The following CASR variants were observed in gnomAD, a reference collection of about 807,000 sequenced individuals.
CASR encodes the protein calcium sensing receptor, also known as extracellular calcium-sensing receptor.
Under a neutral mutation model 69.1 loss-of-function variants are expected in CASR, and 23 were observed. That is an observed-to-expected ratio of 0.33 (90% CI 0.24 to 0.47). The LOEUF (loss-of-function observed/expected upper bound fraction) is 0.47. Among genes scored for constraint, CASR ranks in the 20% least tolerant of loss-of-function variants. CASR has a pLI of 1.00. For missense variants in CASR, 924 were observed against 1,356.1 expected (o/e 0.68, Z 5.00); for synonymous variants, 541 against 544.7 (o/e 0.99, Z 0.10).
intron 1 of CASR, among the ~76,000 whole-genome samples, chr3:122,202,754 TC>T (rs1297686171): frequency 5.3e-5 from 8 of 152,220 alleles, no homozygotes; most frequent in Non-Finnish European, 7.3e-5. Context: ...ATAAAGACAT[TC>T]TCCTATAATT....
intron 2 of CASR, 44 bp from the exon 3 acceptor site, chr3:122,257,037 G>T: frequency 6.4e-7 from 1 of 1,562,854 alleles, no homozygotes; most frequent in South Asian, 1.1e-5. Context: ...TAAAGTCGTT[G>T]ACTAGAAAGC....
Position 122,257,289 on chromosome 3 carries a change from T to A in CASR, c.394T>A (p.Ser132Thr). The A allele has an allele frequency of 1.9e-6, 3 of 1,614,152 alleles. No homozygotes were observed. Among genetic ancestry groups the A allele is most frequent in the Non-Finnish European group, 1.7e-6 (2 of 1,179,982 alleles). Reference protein sequence around the residue: ...SLNLDEFCNCSEHIPSTIAVV... With the variant: ...SLNLDEFCNCTEHIPSTIAVV... ...GAACCTTGATGAGTTCTGCAACTGC[T>A]CAGAGCACATTCCCTCTACGATTGC... Residue 132 changes from serine to threonine, a missense_variant, in exon 3 of 7, where the codon TCA becomes ACA. By Grantham distance (58) the Ser-to-Thr change is moderately conservative. Coordinates refer to ENST00000639785, the MANE Select transcript of CASR (RefSeq NM_000388.4).
At chr3:122,228,038 G>A (rs937029590) in intron 1 of CASR, among the ~76,000 whole-genome samples, 3 of 152,200 alleles carry the variant, frequency 2.0e-5, no homozygotes, top group Non-Finnish European at 4.4e-5. Flanking sequence ...GTCTGAGGGA[G>A]GAGCAGATTC....
rs1358793834 is a variant in CASR, at chr3:122,254,355, G to T, written c.166G>T (p.Glu56Ter). ...AGATCAAGATCTCAAATCAAGGCCG[G>T]AGTCTGTGGAATGTATCAGGTAAGA... Reference protein sequence around the residue: ...AKDQDLKSRPESVECIRYNFR... With the variant: ...AKDQDLKSRP The change falls in exon 2 of 7, where the codon GAG (glutamate) becomes TAG (stop). Residue 56 changes from glutamate (E) to a stop codon, truncating the protein, a stop_gained. Transcript: ENST00000639785. LOFTEE classifies it high-confidence loss of function. The T allele has an allele frequency of 6.2e-7, 1 of 1,614,044 alleles. No individual in the cohort carries two copies. Among genetic ancestry groups the T allele is most frequent in the African/African-American group, 1.3e-5 (1 of 74,928 alleles).
intron 5 of CASR, among the ~76,000 whole-genome samples, chr3:122,281,155 A>G (rs2107647519): frequency 6.6e-6 from 1 of 152,318 alleles, no homozygotes; most frequent in Middle Eastern, 3.4e-3. Context: ...AGCACACAAC[A>G]AAAGGTGAAG....
chr3:122,240,552 G>A (rs942109691), intron 1 of CASR, among the ~76,000 whole-genome samples: 3 of 152,100 alleles, frequency 2.0e-5, no homozygotes, highest in African/African-American at 7.2e-5. Context: ...TATTATTAGA[G>A]CTAAAGAAAG....
At chr3:122,191,643 T>C (rs1207687463) in intron 1 of CASR, among the ~76,000 whole-genome samples, 10 of 152,192 alleles carry the variant, frequency 6.6e-5, no homozygotes, top group Admixed American at 6.5e-4. Context: ...TAAAAGGTTA[T>C]AATTAAATTA....
At chr3:122,240,338 A>G (rs2074368459) in intron 1 of CASR, among the ~76,000 whole-genome samples, 1 of 152,232 alleles carries the variant, frequency 6.6e-6, no homozygotes, top group Non-Finnish European at 1.5e-5. Flanking sequence ...GGGATGGAAA[A>G]AGATATTCCA....
chr3:122,281,176 A>ATTTGT (rs796664604), intron 5 of CASR, among the ~76,000 whole-genome samples: 28 of 152,304 alleles, frequency 1.8e-4, no homozygotes, highest in South Asian at 4.1e-4. Context: ...GGTTTTGTTT[A>ATTTGT]TTTGTTTTGT....
chr3:122,237,906 A>G (rs2074344398), intron 1 of CASR, among the ~76,000 whole-genome samples: 1 of 152,228 alleles, frequency 6.6e-6, no homozygotes, highest in South Asian at 2.1e-4. Flanking sequence ...CACAAATTCT[A>G]TGATGTAGCA....
chr3:122,257,518 T>C, intron 3 of CASR, 131 bp downstream of exon 3: 1 of 659,204 alleles, frequency 1.5e-6, no homozygotes, highest in Middle Eastern at 4.2e-4. Context: ...ATTTAGTTGA[T>C]ATGCTGTATC....
At position 122,290,936 on chromosome 3, in the gene CASR, G is replaced by A. The variant is rs1395004711; in HGVS notation, c.*5745G>A. ...GATGTTCCCCTTCCTGTGTCCATGT[G>A]ATCTCATTGTTCGATTCCCACCTAT... On this transcript the variant is annotated 3_prime_UTR_variant, in exon 7 of 7. Coordinates refer to ENST00000639785, the MANE Select transcript of CASR (RefSeq NM_000388.4). 7.0e-6 allele frequency: 1 copy of A among 142,132 alleles called. No homozygotes were observed. The highest frequency in any genetic ancestry group is 1.5e-5 in the Non-Finnish European group (1 of 66,798). 8.8% of individuals were successfully genotyped at this position (142,132 alleles called of 1,614,324 possible).
Position 122,290,990 on chromosome 3 carries a change from T to G in CASR, c.*5799T>G, listed in dbSNP as rs1203668533. On this transcript the variant is annotated 3_prime_UTR_variant, in exon 7 of 7. Coordinates refer to ENST00000639785, the MANE Select transcript of CASR (RefSeq NM_000388.4). ...TGAGAATACGTGGTGTTTGGTTTTT[T>G]GTCCTTGTATTAGTTTGCTGAGAAT... The G allele has an allele frequency of 6.6e-6, 1 of 151,580 alleles. No homozygotes were observed. Among genetic ancestry groups the G allele is most frequent in the Non-Finnish European group, 1.5e-5 (1 of 67,928 alleles). 9.4% of individuals were successfully genotyped at this position (151,580 alleles called of 1,614,324 possible).
In CASR at chr3:122,275,877, G is replaced by A. The variant is rs1382392248; in HGVS notation, c.1443G>A (p.Glu481=). The part of the protein sequence containing the change: ...NNMGEQVTFD[E]CGDLVGNYSI... ...TGGGGGAGCAGGTGACCTTTGATGA[G>A]TGTGGTGACCTGGTGGGGAACTATT... is the stretch of plus-strand genomic sequence containing the variant. Residue 481 remains glutamate (E), a synonymous_variant, in exon 5 of 7, where the codon GAG becomes GAA. Transcript: ENST00000639785. 1.9e-6 allele frequency: 3 copies of A among 1,614,078 alleles called. No individual in the cohort carries two copies. Among genetic ancestry groups the A allele is most frequent in the Non-Finnish European group, 2.5e-6 (3 of 1,180,004 alleles).
intron 1 of CASR, among the ~76,000 whole-genome samples, chr3:122,240,772 G>A (rs144378962): frequency 3.2e-4 from 49 of 152,208 alleles, no homozygotes; most frequent in African/African-American, 1.1e-3. Context: ...AGTATAAACC[G>A]TATGTTGGGT....
intron 1 of CASR, among the ~76,000 whole-genome samples, chr3:122,195,723 C>T (rs2073883098): frequency 6.6e-6 from 1 of 152,162 alleles, no homozygotes; most frequent in Non-Finnish European, 1.5e-5. Flanking sequence ...TGTATGAGGT[C>T]TCATGGCCAG....
At chr3:122,271,530 G>A (rs183450099) in intron 4 of CASR, among the ~76,000 whole-genome samples, 12 of 152,242 alleles carry the variant, frequency 7.9e-5, no homozygotes, top group South Asian at 4.1e-4. Flanking sequence ...TACAAATGTC[G>A]GTTTCACTAA....
At chr3:122,265,267 T>C (rs2074678935) in intron 4 of CASR, among the ~76,000 whole-genome samples, 1 of 152,234 alleles carries the variant, frequency 6.6e-6, no homozygotes, top group Non-Finnish European at 1.5e-5. Flanking sequence ...ATTCTGGTTA[T>C]AAGGGTCAAT....
rs568934388 is a variant in CASR, at chr3:122,283,674, G to A, written c.1733-13G>A. 1.2e-6 allele frequency: 2 copies of A among 1,611,774 alleles called. No homozygotes were observed. The highest frequency in any genetic ancestry group is 1.7e-6 in the Non-Finnish European group (2 of 1,178,032). The stretch of plus-strand genomic sequence containing the variant: ...CCACACAATAACTCACTCTTCACTG[G>A]GACATTTTACAGATGCCAGTGCCTG... On this transcript the variant is annotated splice_polypyrimidine_tract_variant and intron_variant, in intron 6 of 6. Transcript: ENST00000639785.
Sources: gnomAD v4.1 joint callset for allele counts (sites outside exome capture counted in the v4.1 genomes callset) on GRCh38, gnomAD v4.1.1 for gene constraint, MANE v1.5 for transcripts, NCBI Gene and HGNC (gene_info 2026-07-23, HGNC 2026-07-21) for gene names.